Variants in COMMD6 observed in about 807,000 individuals in gnomAD.
The protein encoded by COMMD6 is COMM domain-containing protein 6.
COMMD6 carries 11 observed loss-of-function variants against 13.4 expected under a neutral mutation model. That is an observed-to-expected ratio of 0.82 (90% CI 0.52 to 1.36). The LOEUF is 1.36. COMMD6 is among the 40% of genes most tolerant of loss of function. The pLI is 0.00. For synonymous variants in COMMD6, 43 were observed against 36.5 expected (o/e 1.18, Z -0.64); for missense variants, 124 against 102.4 (o/e 1.21, Z -0.91).
chr13:75,536,195 A>G (rs2030657849), intron 2 of COMMD6, among the ~76,000 whole-genome samples: 2 of 152,222 alleles, frequency 1.3e-5, no homozygotes, highest in Non-Finnish European at 2.9e-5. Context: ...CATGTTATAA[A>G]TGACATCTTT....
At chr13:75,530,943 T>C (rs2030456727) in intron 2 of COMMD6, among the ~76,000 whole-genome samples, 1 of 152,230 alleles carries the variant, frequency 6.6e-6, no homozygotes, top group African/African-American at 2.4e-5. Flanking sequence ...TGTTAAATGA[T>C]GCCATGGCAT....
chr13:75,541,853 C>T (rs12865529), upstream of COMMD6, among the ~76,000 whole-genome samples: 2 of 151,812 alleles, frequency 1.3e-5, no homozygotes, highest in Non-Finnish European at 2.9e-5. Context: ...CTTTCTAATC[C>T]CCAGAATTTA....
intron 1 of COMMD6, 33 bp downstream of exon 1, chr13:75,537,731 C>T (rs1439801764): frequency 1.2e-6 from 2 of 1,613,858 alleles, no homozygotes; most frequent in East Asian, 4.5e-5. Context: ...TCCAGAGCCT[C>T]GCTGCCCACT....
intron 2 of COMMD6, among the ~76,000 whole-genome samples, chr13:75,534,629 A>G (rs1316338011): frequency 6.6e-6 from 1 of 152,244 alleles, no homozygotes; most frequent in Non-Finnish European, 1.5e-5. Flanking sequence ...TGTATGATGA[A>G]GTATTAAAAA....
At chr13:75,539,166 G>GA (rs554110978), upstream of COMMD6, among the ~76,000 whole-genome samples, 282 of 151,580 alleles carry the variant, frequency 1.9e-3, 1 homozygote, top group African/African-American at 6.5e-3. Context: ...ACTCTAGCCT[G>GA]AAAAAATTCT....
At chr13:75,530,376 A>T in intron 2 of COMMD6, 110 bp from the exon 3 acceptor site, 1 of 724,794 alleles carries the variant, frequency 1.4e-6, no homozygotes, top group Non-Finnish European at 2.2e-6. Context: ...AACGCTGGTC[A>T]TATTTACATA....
At chr13:75,541,340 C>T (rs758245604), upstream of COMMD6, among the ~76,000 whole-genome samples, 4 of 152,014 alleles carry the variant, frequency 2.6e-5, no homozygotes, top group Non-Finnish European at 5.9e-5. Flanking sequence ...CAAAAGTGCC[C>T]CATCTCCACT....
intron 1 of COMMD6, among the ~76,000 whole-genome samples, chr13:75,546,025 AG>A (rs1471028269): frequency 6.6e-6 from 1 of 152,202 alleles, no homozygotes; most frequent in Non-Finnish European, 1.5e-5. Flanking sequence ...TAAATGCTTG[AG>A]GGGATGGATA....
In COMMD6 at chr13:75,530,216, G is replaced by T. The variant is rs1063482; in HGVS notation, c.105C>A (p.Cys35Ter). 6.2e-7 allele frequency: 1 copy of T among 1,613,582 alleles called. No individual in the cohort carries two copies. The highest frequency in any genetic ancestry group is 8.5e-7 in the Non-Finnish European group (1 of 1,179,622). ...KLGMAVSSDT[C>*]RSLKYPYVAV... ...CAACGTAAGGATACTTAAGAGATCT[G>T]CAAGTGTCTGAGCTCACAGCCATAC... The change falls in exon 3 of 4, where the codon TGC (cysteine) becomes TGA (stop). Residue 35 changes from cysteine to a stop codon, truncating the protein, a stop_gained. Transcript: ENST00000682242. LOFTEE classifies it high-confidence loss of function.
chr13:75,540,271 C>G (rs529932572), upstream of COMMD6, among the ~76,000 whole-genome samples: 1 of 151,346 alleles, frequency 6.6e-6, no homozygotes, highest in African/African-American at 2.4e-5. Flanking sequence ...ATGCCCAGCC[C>G]CAGGAAATCT....
At chr13:75,546,591 TG>T (rs34087052) in intron 1 of COMMD6, among the ~76,000 whole-genome samples, 65,459 of 152,008 alleles carry the variant, frequency 0.43, 16,108 homozygotes, top group East Asian at 0.62. Flanking sequence ...TGCTGCAAAA[TG>T]TAACTATATG....
At chr13:75,529,227 A>G (rs2030375576) in intron 3 of COMMD6, among the ~76,000 whole-genome samples, 1 of 152,188 alleles carries the variant, frequency 6.6e-6, no homozygotes, top group South Asian at 2.1e-4. Flanking sequence ...ATGTACATTT[A>G]AAAGAAAACC....
intron 1 of COMMD6, among the ~76,000 whole-genome samples, chr13:75,547,239 G>C (rs2030918014): frequency 6.6e-6 from 1 of 151,950 alleles, no homozygotes; most frequent in African/African-American, 2.4e-5. Context: ...AGACCATCAA[G>C]AGGACTCTCG....
At chr13:75,540,344 C>CCCA (rs372640334), upstream of COMMD6, among the ~76,000 whole-genome samples, 15 of 147,270 alleles carry the variant, frequency 1.0e-4, no homozygotes, top group Non-Finnish European at 1.6e-4. Context: ...ACACACACAC[C>CCCA]CACACACACA....
upstream of COMMD6, among the ~76,000 whole-genome samples, chr13:75,542,064 A>G (rs1431787975): frequency 1.3e-5 from 2 of 152,230 alleles, no homozygotes; most frequent in Non-Finnish European, 2.9e-5. Flanking sequence ...TTCCTTGCCT[A>G]CAAGTATTAA....
chr13:75,546,748 A>G lies in COMMD6; in HGVS notation n.106+2575T>C, dbSNP rs114044815. ...TGACACTGTGCATAGGCATGCCACTATATTTAATTGAAAACTGTAAAATAT... is the reference window on the plus strand; with the variant it reads ...TGACACTGTGCATAGGCATGCCACTGTATTTAATTGAAAACTGTAAAATAT... On this transcript the variant is annotated intron_variant and non_coding_transcript_variant, in intron 1 of 2. Transcript: ENST00000460675. 6.9e-3 allele frequency among the ~76,000 whole-genome samples: 1,045 copies of G among 152,370 alleles called. 10 individuals carry two copies. Among genetic ancestry groups the G allele is most frequent in the African/African-American group, 0.023 (945 of 41,588 alleles).
chr13:75,540,334 ACACACACACC>A (rs1368478915), upstream of COMMD6, among the ~76,000 whole-genome samples: 4 of 116,926 alleles, frequency 3.4e-5, no homozygotes, highest in South Asian at 3.1e-4. Context: ...ATACACACAC[ACACACACACC>A]CACACACACA....
intron 3 of COMMD6, among the ~76,000 whole-genome samples, chr13:75,528,192 A>G (rs1412896642): frequency 6.6e-6 from 1 of 152,142 alleles, no homozygotes; most frequent in Non-Finnish European, 1.5e-5. Context: ...CTGTACCTCA[A>G]TAAAGCTGGG....
At chr13:75,542,942 A>G (rs144499170), upstream of COMMD6, among the ~76,000 whole-genome samples, 4 of 152,378 alleles carry the variant, frequency 2.6e-5, no homozygotes, top group Non-Finnish European at 4.4e-5. Context: ...CTAGATGCCC[A>G]TCAGTGGTGT....
Sources: gnomAD v4.1 joint callset for allele counts (sites outside exome capture counted in the v4.1 genomes callset) on GRCh38, gnomAD v4.1.1 for gene constraint, MANE v1.5 for transcripts, NCBI Gene and HGNC (gene_info 2026-07-23, HGNC 2026-07-21) for gene names.